Variants in ZFAND3 observed in about 807,000 individuals in gnomAD.
The protein encoded by ZFAND3 is zinc finger AN1-type containing 3, also known as AN1-type zinc finger protein 3.
Under a neutral mutation model 29.6 loss-of-function variants are expected in ZFAND3, and 10 were observed. That is an observed-to-expected ratio of 0.34 (90% CI 0.21 to 0.57). The LOEUF (loss-of-function observed/expected upper bound fraction) is 0.57, where lower values mean the gene tolerates loss of function less well. Ranked by LOEUF, ZFAND3 falls within the 20% of genes least tolerant of loss-of-function variation. The pLI, the probability that ZFAND3 is intolerant of heterozygous loss-of-function variation, is 0.86. For missense variants in ZFAND3, 230 were observed against 304.5 expected (o/e 0.76, Z 1.82); for synonymous variants, 128 against 112.6 (o/e 1.14, Z -0.87).
intron 2 of ZFAND3, among the ~76,000 whole-genome samples, chr6:37,979,618 T>C (rs1762547585): frequency 6.6e-6 from 1 of 152,230 alleles, no homozygotes; most frequent in South Asian, 2.1e-4. Context: ...CAGTCTGACA[T>C]TGGGCACAGG....
chr6:37,844,426 C>T (rs187639607), intron 1 of ZFAND3, among the ~76,000 whole-genome samples: 4 of 151,992 alleles, frequency 2.6e-5, no homozygotes, highest in African/African-American at 9.7e-5. Flanking sequence ...GGACTACAGG[C>T]GCCCGCCACC....
At chr6:38,074,648 C>T (rs1011808817) in intron 3 of ZFAND3, among the ~76,000 whole-genome samples, 2 of 152,186 alleles carry the variant, frequency 1.3e-5, no homozygotes, top group Admixed American at 6.5e-5. Context: ...AACAAAAATA[C>T]CTAGCTGAGA....
At chr6:38,021,237 C>T (rs1763343666) in intron 2 of ZFAND3, among the ~76,000 whole-genome samples, 1 of 152,178 alleles carries the variant, frequency 6.6e-6, no homozygotes, top group Non-Finnish European at 1.5e-5. Context: ...AACATTATCC[C>T]AGCTGCCGCG....
chr6:37,955,533 C>T (rs1237812623), intron 2 of ZFAND3, among the ~76,000 whole-genome samples: 1 of 152,164 alleles, frequency 6.6e-6, no homozygotes, highest in Non-Finnish European at 1.5e-5. Flanking sequence ...TAGAAAGGCT[C>T]AGTGTTGGAT....
chr6:37,990,592 AAATC>A (rs1762742224), intron 2 of ZFAND3, among the ~76,000 whole-genome samples: 1 of 152,232 alleles, frequency 6.6e-6, no homozygotes, highest in Non-Finnish European at 1.5e-5. Flanking sequence ...CATATAAGCA[AAATC>A]AAAACAAGGC....
chr6:37,987,435 T>C (rs931079259), intron 2 of ZFAND3, among the ~76,000 whole-genome samples: 11 of 152,202 alleles, frequency 7.2e-5, no homozygotes, highest in Non-Finnish European at 1.3e-4. Context: ...TATAGAAACT[T>C]TAGACCCTGG....
At chr6:38,092,383 C>T (rs1385598350) in intron 4 of ZFAND3, among the ~76,000 whole-genome samples, 1 of 152,184 alleles carries the variant, frequency 6.6e-6, no homozygotes, top group African/African-American at 2.4e-5. Flanking sequence ...AGAATAAGTA[C>T]AGAAACAAGT....
intron 2 of ZFAND3, among the ~76,000 whole-genome samples, chr6:38,004,993 C>T (rs183113985): frequency 3.9e-4 from 60 of 152,258 alleles, no homozygotes; most frequent in African/African-American, 1.2e-3. Context: ...TTCTTGACAT[C>T]ACAAATTCAT....
At chr6:38,125,581 G>C (rs1424609350) in intron 5 of ZFAND3, among the ~76,000 whole-genome samples, 1 of 152,138 alleles carries the variant, frequency 6.6e-6, no homozygotes, top group Non-Finnish European at 1.5e-5. Flanking sequence ...CTTATCCCAT[G>C]GCATGAGATA....
chr6:38,143,393 C>T (rs1356191989), intron 5 of ZFAND3, among the ~76,000 whole-genome samples: 1 of 152,272 alleles, frequency 6.6e-6, no homozygotes, highest in Non-Finnish European at 1.5e-5. Context: ...TGTGACGGCA[C>T]ATGCCAAGGG....
At chr6:37,911,626 C>T (rs1765522400) in intron 1 of ZFAND3, among the ~76,000 whole-genome samples, 1 of 152,090 alleles carries the variant, frequency 6.6e-6, no homozygotes, top group Admixed American at 6.5e-5. Flanking sequence ...TCAAAGCAGT[C>T]AACATAGATT....
chr6:38,023,516 C>T (rs938071439), intron 2 of ZFAND3, among the ~76,000 whole-genome samples: 2 of 151,926 alleles, frequency 1.3e-5, no homozygotes, highest in African/African-American at 2.4e-5. Context: ...TTGTGTATGA[C>T]TATGTAATTT....
chr6:37,934,992 A>G (rs1761672499), intron 2 of ZFAND3, among the ~76,000 whole-genome samples: 1 of 152,104 alleles, frequency 6.6e-6, no homozygotes. Context: ...ATTACAATTC[A>G]GTACATTTGT....
chr6:37,878,263 G>T (rs1764830414), intron 1 of ZFAND3, among the ~76,000 whole-genome samples: 1 of 152,224 alleles, frequency 6.6e-6, no homozygotes, highest in African/African-American at 2.4e-5. Context: ...GGGACAGTGG[G>T]AGAGACAGAT....
chr6:38,091,410 G>A (rs1764865406), intron 4 of ZFAND3, among the ~76,000 whole-genome samples: 2 of 150,558 alleles, frequency 1.3e-5, no homozygotes, highest in South Asian at 4.2e-4. Context: ...AAATGCCTGA[G>A]CCAATACTAT....
chr6:38,054,609 G>A (rs1764098264), intron 2 of ZFAND3, among the ~76,000 whole-genome samples: 2 of 152,176 alleles, frequency 1.3e-5, no homozygotes, highest in Non-Finnish European at 2.9e-5. Flanking sequence ...GTGAGAATCT[G>A]ATAGGTAAAG....
chr6:37,840,860 TAAAC>T (rs1764060361), intron 1 of ZFAND3, among the ~76,000 whole-genome samples: 2 of 152,184 alleles, frequency 1.3e-5, no homozygotes, highest in Non-Finnish European at 2.9e-5. Flanking sequence ...GCAGTTCTGC[TAAAC>T]AAACAGAAAA....
intron 2 of ZFAND3, among the ~76,000 whole-genome samples, chr6:37,937,968 G>A (rs1457677524): frequency 2.0e-5 from 3 of 152,116 alleles, no homozygotes; most frequent in African/African-American, 7.2e-5. Context: ...AGTAACAAAT[G>A]TTAATGTTTT....
At chr6:38,036,457 T>C (rs932535312) in intron 2 of ZFAND3, among the ~76,000 whole-genome samples, 4 of 152,188 alleles carry the variant, frequency 2.6e-5, no homozygotes, top group Non-Finnish European at 4.4e-5. Context: ...TGTCCAGTTT[T>C]CAACAGAAAT....
Sources: gnomAD v4.1 joint callset for allele counts (sites outside exome capture counted in the v4.1 genomes callset) on GRCh38, gnomAD v4.1.1 for gene constraint, MANE v1.5 for transcripts, NCBI Gene and HGNC (gene_info 2026-07-23, HGNC 2026-07-21) for gene names.